Variants in PHACTR2 observed in about 807,000 individuals in gnomAD.
PHACTR2 encodes chromosome 6 open reading frame 56.
Under a neutral mutation model 76.0 loss-of-function variants are expected in PHACTR2, and 30 were observed. That is an observed-to-expected ratio of 0.39 (90% CI 0.30 to 0.54). The LOEUF (loss-of-function observed/expected upper bound fraction) is 0.54. Among genes scored for constraint, PHACTR2 ranks in the 20% least tolerant of loss-of-function variants. The pLI is 0.61. For synonymous variants in PHACTR2, 292 were observed against 292.5 expected, an observed-to-expected ratio of 1.00 and a Z score of 0.02; for missense variants, 696 against 781.1, an observed-to-expected ratio of 0.89 and a Z score of 1.30.
intron 1 of PHACTR2, among the ~76,000 whole-genome samples, chr6:143,661,733 T>C (rs1449433825): frequency 1.3e-5 from 2 of 151,992 alleles, no homozygotes; most frequent in Non-Finnish European, 2.9e-5. Context: ...TTTTTTGTAT[T>C]TTTGGTAGAG....
chr6:143,779,207 G>T (rs78366184), intron 9 of PHACTR2, among the ~76,000 whole-genome samples: 2,166 of 152,212 alleles, frequency 0.014, 37 homozygotes, highest in African/African-American at 0.05. Flanking sequence ...ACTCTACTCA[G>T]CCCGTTTGTG....
At position 143,782,932 on chromosome 6, in the gene PHACTR2, T is replaced by A. The variant is rs922149710; in HGVS notation, c.1646-287T>A. Among the ~76,000 whole-genome samples the A allele has an allele frequency of 2.6e-5, 4 of 151,922 alleles. No individual in the cohort carries two copies. The highest frequency in any genetic ancestry group is 4.4e-5 in the Non-Finnish European group (3 of 68,012). On this transcript the variant is annotated intron_variant, in intron 9 of 12. Transcript: ENST00000440869. This position sits in a 1 kb window ranked among gnomAD's most constrained non-coding sequence, Gnocchi z 4.6. ...AATATGGGCACTCCTGTGGTTTTTT[T>A]AAGAATACAACAAGACATCAGGAAG...
At chr6:143,728,221 T>C (rs1156824982) in intron 2 of PHACTR2, among the ~76,000 whole-genome samples, 164 of 141,946 alleles carry the variant, frequency 1.2e-3, no homozygotes, top group Non-Finnish European at 2.2e-3. Context: ...TCTTTCTTTT[T>C]TTTTTTTTTT....
Position 143,809,034 on chromosome 6 carries a change from T to C in PHACTR2, c.1922+1901T>C, listed in dbSNP as rs1439068369. Among the ~76,000 whole-genome samples, 1 of 152,216 alleles carries C rather than the reference T, an allele frequency of 6.6e-6. No homozygotes were observed. Among genetic ancestry groups the C allele is most frequent in the African/African-American group, 2.4e-5 (1 of 41,462 alleles). Reference sequence around the variant, plus strand: ...TGGGAAGATAGAGTGCTTGGTGCAGTTGGGTCCTGATCCCTGAGCTGCAGT... The same window carrying C: ...TGGGAAGATAGAGTGCTTGGTGCAGCTGGGTCCTGATCCCTGAGCTGCAGT... On this transcript the variant is annotated intron_variant, in intron 12 of 12. Transcript: ENST00000440869. This position sits in a 1 kb window ranked among gnomAD's most constrained non-coding sequence, Gnocchi z 4.2.
rs1776849453 is a variant in PHACTR2 at position 143,656,336 on chromosome 6, T to C, written c.13+48014T>C. On this transcript the variant is annotated intron_variant, in intron 1 of 11. Transcript: ENST00000305766. This position sits in a 1 kb window ranked among gnomAD's most constrained non-coding sequence, Gnocchi z 5.3. ...CCTGGCTGTAACAGTTACAGGGGCG[T>C]CCAATCTTTTGGCTTCCCTGGGCCA... Among the ~76,000 whole-genome samples the C allele has an allele frequency of 6.6e-6, 1 of 152,192 alleles. No homozygotes were observed. The highest frequency in any genetic ancestry group is 2.1e-4 in the South Asian group (1 of 4,832).
At chr6:143,810,536 A>G (rs774168583) in intron 12 of PHACTR2, 1 of 453,636 alleles carries the variant, frequency 2.2e-6, no homozygotes, top group Non-Finnish European at 4.4e-6. Flanking sequence ...ATCTTAACAT[A>G]CCTTTATTGA....
At chr6:143,694,697 C>T (rs180861628) in intron 1 of PHACTR2, among the ~76,000 whole-genome samples, 17 of 152,282 alleles carry the variant, frequency 1.1e-4, no homozygotes, top group African/African-American at 3.6e-4. Context: ...TGTTTAAACA[C>T]CTGTCAAAGT....
rs1193396675 is a variant in PHACTR2, at chr6:143,783,742, A to G, written c.1707+462A>G. Among the ~76,000 whole-genome samples, 1 of 152,256 alleles carries G rather than the reference A, an allele frequency of 6.6e-6. No homozygotes were observed. The highest frequency in any genetic ancestry group is 1.5e-5 in the Non-Finnish European group (1 of 68,034). On this transcript the variant is annotated intron_variant, in intron 10 of 12. Transcript: ENST00000440869. This position sits in a 1 kb window ranked among gnomAD's most constrained non-coding sequence, Gnocchi z 5.2. ...AAGGGTTTTAAGTTGCATTTACTCC[A>G]TGAAAGTATGTACTCTGTGTGAAAA...
rs1777292992 is a variant in PHACTR2 at position 143,678,189 on chromosome 6, T to C, written c.26T>C (p.Leu9Pro). The change falls in exon 1 of 13, where the codon CTG becomes CCG. Residue 9 changes from leucine (L) to proline (P), a missense_variant. Coordinates refer to ENST00000440869, the MANE Select transcript of PHACTR2 (RefSeq NM_001100164.2). This position sits in a 1 kb window ranked among gnomAD's most constrained non-coding sequence, Gnocchi z 6.2. ...ATGGGCCAGACCTCGGTGTCCACGC[T>C]GTCCCCGCAGCCCGGCAGCGGTGAG... MGQTSVST[L>P]SPQPGSVDGL... 3 of 1,538,524 alleles carry C rather than the reference T, an allele frequency of 1.9e-6. No homozygotes were observed. The highest frequency in any genetic ancestry group is 1.4e-5 in the African/African-American group (1 of 71,072).
At chr6:143,673,159 T>C (rs559536012), upstream of PHACTR2, among the ~76,000 whole-genome samples, 1 of 152,262 alleles carries the variant, frequency 6.6e-6, no homozygotes, top group East Asian at 1.9e-4. Flanking sequence ...GCCCATGTGC[T>C]AGAGGTACCA....
rs1231362532 is a variant in PHACTR2, at chr6:143,776,468, C to T, written c.1590-860C>T. Among the ~76,000 whole-genome samples the T allele has an allele frequency of 2.0e-5, 3 of 152,118 alleles. No individual in the cohort carries two copies. Among genetic ancestry groups the T allele is most frequent in the South Asian group, 2.1e-4 (1 of 4,830 alleles). On this transcript the variant is annotated intron_variant, in intron 8 of 12. Transcript: ENST00000440869. The surrounding 1 kb of genome is among the most constrained non-coding windows in gnomAD (Gnocchi z 5.3). ...AAAATACAATGAAAAAGGGAGATTGCGTTCACGGCATAGCAACAACCGCAT... is the reference window on the plus strand; with the variant it reads ...AAAATACAATGAAAAAGGGAGATTGTGTTCACGGCATAGCAACAACCGCAT...
rs1316569463 is a variant in PHACTR2, at chr6:143,602,968, AACCCCGTCTCT to A, written c.217+65764_217+65774del. Among the ~76,000 whole-genome samples, 3 of 152,008 alleles carry A rather than the reference AACCCCGTCTCT, an allele frequency of 2.0e-5. No homozygotes were observed. Among genetic ancestry groups the A allele is most frequent in the African/African-American group, 7.3e-5 (3 of 41,370 alleles). On this transcript the variant is annotated intron_variant, in intron 1 of 11. Transcript: ENST00000367584. This position sits in a 1 kb window ranked among gnomAD's most constrained non-coding sequence, Gnocchi z 6.1. The stretch of plus-strand genomic sequence containing the variant: ...GAGACCAGCCTGGCCAACATGGCAA[AACCCCGTCTCT>A]ACTAAAAATACAAAAACTAGCCAGA...
At chr6:143,748,945 G>C in intron 2 of PHACTR2, 40 bp from the exon 3 acceptor site, 1 of 999,036 alleles carries the variant, frequency 1.0e-6, no homozygotes, top group South Asian at 1.4e-5. Flanking sequence ...TTATCTTAAG[G>C]AATGACTTGA....
intron 1 of PHACTR2, among the ~76,000 whole-genome samples, chr6:143,649,680 TGAAG>T (rs2128445850): frequency 6.6e-6 from 1 of 152,282 alleles, no homozygotes; most frequent in Admixed American, 6.5e-5. Context: ...AACTAGGTAT[TGAAG>T]GAACATAACT....
At chr6:143,555,278 C>T (rs1775158032) in intron 1 of PHACTR2, 7 of 152,114 alleles carry the variant, frequency 4.6e-5, no homozygotes, top group Admixed American at 4.6e-4. Context: ...GGTCATATTA[C>T]TGAGAACACC....
intron 1 of PHACTR2, among the ~76,000 whole-genome samples, chr6:143,584,697 T>G (rs752640994): frequency 3.3e-5 from 5 of 152,178 alleles, no homozygotes; most frequent in African/African-American, 4.8e-5. Flanking sequence ...TGCAGTGACC[T>G]CTTCACACAC....
At chr6:143,805,248 G>A (rs1776038069) in intron 11 of PHACTR2, among the ~76,000 whole-genome samples, 1 of 152,174 alleles carries the variant, frequency 6.6e-6, no homozygotes, top group East Asian at 1.9e-4. Flanking sequence ...GGGAGGCCGA[G>A]GCGGGCGGAT....
At chr6:143,699,341 G>T (rs1363495403) in intron 1 of PHACTR2, among the ~76,000 whole-genome samples, 1 of 152,142 alleles carries the variant, frequency 6.6e-6, no homozygotes, top group Non-Finnish European at 1.5e-5. Context: ...GAACCTGCTT[G>T]AGTGTCCTTC....
rs186432598 is a variant in PHACTR2, at chr6:143,765,668, G to A, written c.1102G>A (p.Val368Ile). The stretch of plus-strand genomic sequence containing the variant: ...TGCCTCAGACACTCCAGTTGTCCTC[G>A]TCAGCGTTGGAGCTGACCTGCCCGT... ...ITASDTPVVL[V>I]SVGADLPVSA... The change falls in exon 6 of 13, where the codon GTC becomes ATC. Residue 368 changes from valine to isoleucine, a missense_variant. Coordinates refer to ENST00000440869, the MANE Select transcript of PHACTR2 (RefSeq NM_001100164.2). The surrounding 1 kb of genome is among the most constrained non-coding windows in gnomAD (Gnocchi z 4.1). The A allele has an allele frequency of 2.0e-4, 315 of 1,614,072 alleles. 1 individual carries two copies. The East Asian group carries it at 6.4e-3, about 33-fold the overall frequency.
Sources: allele counts gnomAD v4.1 joint callset (sites outside exome capture counted in the v4.1 genomes callset), GRCh38; gene constraint gnomAD v4.1.1; non-coding constraint Gnocchi (gnomAD v3.1); transcripts MANE v1.5; gene names NCBI Gene and HGNC (gene_info 2026-07-23, HGNC 2026-07-21).